ULK1: variants seen among roughly 807,000 people sequenced by gnomAD.
ULK1 encodes serine/threonine-protein kinase ULK1.
A neutral mutation model predicts 117.5 loss-of-function variants in ULK1; 48 were observed. The observed-to-expected ratio is 0.41, with a 90% CI of 0.32 to 0.52. The LOEUF is 0.52. ULK1 is among the 20% of genes least tolerant of loss of function. The probability of loss-of-function intolerance (pLI) is 0.29; values close to 1 mark genes in which losing one functional copy is unlikely to be tolerated. For synonymous variants in ULK1, 790 were observed against 637.8 expected (o/e 1.24, Z -3.60); for missense variants, 1,387 against 1,473.4 (o/e 0.94, Z 0.96).
At chr12:131,907,027 C>CTT in intron 4 of ULK1, 103 bp downstream of exon 4, 2 of 1,495,428 alleles carry the variant, frequency 1.3e-6, no homozygotes, top group Non-Finnish European at 1.8e-6. Flanking sequence ...AGCACCTTTT[C>CTT]TTTTTTTTTG....
chr12:131,908,490 G>A (rs1326889647), intron 5 of ULK1, 154 bp from the exon 6 acceptor site: 5 of 885,732 alleles, frequency 5.6e-6, no homozygotes, highest in Non-Finnish European at 7.9e-6. Flanking sequence ...GGCGGCCCGT[G>A]GTGGCTTGTG....
intron 1 of ULK1, 49 bp from the exon 2 acceptor site, chr12:131,895,552 G>T (rs1475847125): frequency 2.6e-6 from 4 of 1,530,942 alleles, no homozygotes; most frequent in Non-Finnish European, 3.6e-6. Flanking sequence ...GTCTGGGGGA[G>T]GCCTGCGAGG....
At chr12:131,907,634 C>T in intron 5 of ULK1, 103 bp downstream of exon 5, 1 of 1,399,790 alleles carries the variant, frequency 7.1e-7, no homozygotes, top group South Asian at 1.3e-5. Context: ...TCGAGTGGGT[C>T]CTTGGCTCAT....
intron 3 of ULK1, among the ~76,000 whole-genome samples, chr12:131,899,813 G>A (rs1434103427): frequency 6.6e-6 from 1 of 152,118 alleles, no homozygotes; most frequent in Non-Finnish European, 1.5e-5. Flanking sequence ...TGGCACCTCC[G>A]TTTTCTTACC....
At chr12:131,915,789 G>T in intron 18 of ULK1, 102 bp from the exon 19 acceptor site, 1 of 1,469,672 alleles carries the variant, frequency 6.8e-7, no homozygotes, top group Non-Finnish European at 9.2e-7. Context: ...AAAGAGTGGG[G>T]CCTTGGAGTG....
In ULK1 at chr12:131,914,477, G is replaced by A. The variant is rs1377651945; in HGVS notation, c.1373G>A (p.Arg458Gln). Residue 458 changes from arginine (R) to glutamine (Q), a missense_variant and splice_region_variant, in exon 16 of 28, where the codon CGG becomes CAG. Around this residue, in one of 4 missense-constraint regions of ULK1, gnomAD observed 900 missense variants for 858.9 expected, o/e 1.05. Transcript: ENST00000321867. Reference protein sequence around the residue: ...LQSPTQFQTPRSSAIRRSGST... With the variant: ...LQSPTQFQTPQSSAIRRSGST... The stretch of plus-strand genomic sequence containing the variant: ...TCACCCACCCAGTTCCAAACACCTC[G>A]GTGAGTGTGGAGCCCCCAGGTAGCC... 5 of 1,611,838 alleles carry A rather than the reference G, an allele frequency of 3.1e-6. No individual in the cohort carries two copies. The highest frequency in any genetic ancestry group is 2.2e-5 in the East Asian group (1 of 44,850).
rs1012529023 is a variant in ULK1 at position 131,909,357 on chromosome 12, G to A, written c.666+120G>A. 5 of 1,149,226 alleles carry A rather than the reference G, an allele frequency of 4.4e-6. No homozygotes were observed. In the African/African-American group the frequency reaches 4.8e-5, roughly 11 times the overall value. 71.2% of individuals were successfully genotyped at this position (1,149,226 alleles called of 1,614,324 possible). ...CACGAGCTCCCCTCGGGTCCTGGCT[G>A]GCGGGGCGGGCGTCCAGGGGTCCAG... is the stretch of plus-strand genomic sequence containing the variant. On this transcript the variant is annotated intron_variant, in intron 8 of 27. Coordinates refer to ENST00000321867, the MANE Select transcript of ULK1 (RefSeq NM_003565.4).
rs1889798406 is a variant in ULK1 at position 131,916,580 on chromosome 12, C to T, written c.2061C>T (p.Gly687=). The change falls in exon 20 of 28, where the codon GGC becomes GGT. Residue 687 remains glycine, a synonymous_variant. Coordinates refer to ENST00000321867, the MANE Select transcript of ULK1 (RefSeq NM_003565.4). ...TGCGGCCAGGCGAGGACCCCAAGGG[C>T]CCCTTTGGCCGGTGAGTTGAGGGGA... The part of the protein sequence containing the change: ...PGLRPGEDPK[G]PFGRSFSTSR... 3 of 1,579,206 alleles carry T rather than the reference C, an allele frequency of 1.9e-6. No homozygotes were observed. Among genetic ancestry groups the T allele is most frequent in the Non-Finnish European group, 2.6e-6 (3 of 1,168,808 alleles).
intron 22 of ULK1, chr12:131,918,177 C>T (rs1278779405): frequency 8.9e-6 from 4 of 450,794 alleles, no homozygotes; most frequent in Non-Finnish European, 1.6e-5. Context: ...GCACCTACCC[C>T]ATTCCAGACA....
chr12:131,914,888 G>A (rs1470783998), intron 16 of ULK1, among the ~76,000 whole-genome samples, 195 bp from the exon 17 acceptor site: 3 of 152,234 alleles, frequency 2.0e-5, no homozygotes, highest in Non-Finnish European at 4.4e-5. Flanking sequence ...CACACCCACT[G>A]TGTGGCCGGT....
chr12:131,916,979 A>G lies in ULK1; in HGVS notation c.2099A>G (p.Asp700Gly). The change falls in exon 21 of 28, where the codon GAC becomes GGC. Residue 700 changes from aspartate to glycine, a missense_variant. Physicochemically the swap from Asp to Gly is moderately conservative, Grantham distance 94. Around this residue, in one of 4 missense-constraint regions of ULK1, gnomAD observed 900 missense variants for 858.9 expected, o/e 1.05. Transcript: ENST00000321867. ...GRSFSTSRLT[D>G]LLLKAAFGTQ... ...TCTTTCAGCACCAGCCGCCTCACTG[A>G]CCTGCTCCTTAAGGCGGCGTTTGGG... The G allele has an allele frequency of 1.2e-6, 2 of 1,609,522 alleles. No individual in the cohort carries two copies. The highest frequency in any genetic ancestry group is 2.2e-5 in the East Asian group (1 of 44,676).
chr12:131,918,505 A>G lies in ULK1; in HGVS notation c.2335A>G (p.Thr779Ala), dbSNP rs748511043. The change falls in exon 23 of 28, where the codon ACT becomes GCT. Residue 779 changes from threonine to alanine, a missense_variant. Physicochemically the swap from Thr to Ala is moderately conservative, Grantham distance 58. Coordinates refer to ENST00000321867, the MANE Select transcript of ULK1 (RefSeq NM_003565.4). ...PRTRMFSAGP[T>A]GSASSSARHL... is the part of the protein sequence containing the mutation. ...TCGCCCTCTCCCTGCAGCGGGCCCC[A>G]CTGGCTCTGCCAGCTCTTCTGCCCG... 2.5e-6 allele frequency: 4 copies of G among 1,609,628 alleles called. No individual in the cohort carries two copies. The highest frequency in any genetic ancestry group is 3.4e-6 in the Non-Finnish European group (4 of 1,178,640).
At chr12:131,917,106 GAGGCTGTGGGAT>G in intron 21 of ULK1, 44 bp downstream of exon 21, 1 of 1,285,818 alleles carries the variant, frequency 7.8e-7, no homozygotes, top group Non-Finnish European at 1.0e-6. Flanking sequence ...ATGGGGGTCG[GAGGCTGTGGGAT>G]GGGGGTCGGA....
chr12:131,906,871 A>G, intron 3 of ULK1, 21 bp from the exon 4 acceptor site: 1 of 1,614,024 alleles, frequency 6.2e-7, no homozygotes, highest in South Asian at 1.1e-5. Context: ...GACCTCTCAC[A>G]GCCTCTTTTC....
Position 131,921,333 on chromosome 12 carries a change from C to G in ULK1, c.3125C>G (p.Ser1042Trp), listed in dbSNP as rs374576868. 4 of 1,605,904 alleles carry G rather than the reference C, an allele frequency of 2.5e-6. No individual in the cohort carries two copies. Among genetic ancestry groups the G allele is most frequent in the African/African-American group, 1.3e-5 (1 of 74,928 alleles). The change falls in exon 28 of 28, where the codon TCG becomes TGG. Residue 1042 changes from serine to tryptophan, a missense_variant. This residue lies in a region of ULK1 where 900 missense variants were observed against 858.9 expected (regional missense o/e 1.05). Coordinates refer to ENST00000321867, the MANE Select transcript of ULK1 (RefSeq NM_003565.4). ...AAGCTGTGCATTGAGCGGAGACTCT[C>G]GGCGCTGCTGACTGGCATCTGTGCC... is the stretch of plus-strand genomic sequence containing the variant. ...KCKLCIERRLSALLTGICA is the reference protein window; with the variant it reads ...KCKLCIERRLWALLTGICA
chr12:131,913,341 G>C, intron 14 of ULK1, 83 bp downstream of exon 14: 3 of 1,361,390 alleles, frequency 2.2e-6, no homozygotes, highest in Non-Finnish European at 2.9e-6. Context: ...ACAATGAGCC[G>C]AGATCGCGCC....
At chr12:131,919,712 C>T (rs1182057932) in intron 25 of ULK1, 122 bp downstream of exon 25, 11 of 1,244,030 alleles carry the variant, frequency 8.8e-6, no homozygotes, top group East Asian at 4.7e-5. Flanking sequence ...GGTGCAGAGG[C>T]CCCGGGGCCT....
At chr12:131,899,367 T>C (rs1889001528) in intron 3 of ULK1, among the ~76,000 whole-genome samples, 1 of 152,070 alleles carries the variant, frequency 6.6e-6, no homozygotes, top group Non-Finnish European at 1.5e-5. Flanking sequence ...TTTGTACTTT[T>C]AGTAGAGACA....
rs997238655 is a variant in ULK1, at chr12:131,911,871, G to C, written c.949-71G>C. ...TTACTGGGGCTCTGGGCCATCCCAG[G>C]AGGGGGAATTTGCTCCCCTGAGTGT... On this transcript the variant is annotated intron_variant, in intron 12 of 27. Transcript: ENST00000321867. 2.5e-6 allele frequency: 4 copies of C among 1,608,066 alleles called. No individual in the cohort carries two copies. In the African/African-American group the frequency reaches 5.4e-5, roughly 22 times the overall value.
Sources: allele counts gnomAD v4.1 joint callset (sites outside exome capture counted in the v4.1 genomes callset), GRCh38; gene constraint gnomAD v4.1.1; regional missense constraint gnomAD v4.1.1; transcripts MANE v1.5; gene names NCBI Gene and HGNC (gene_info 2026-07-23, HGNC 2026-07-21).